CNTNAP2: variants seen among roughly 807,000 people sequenced by gnomAD.
CNTNAP2 encodes the protein contactin-associated protein-like 2.
Under a neutral mutation model 155.2 loss-of-function variants are expected in CNTNAP2, and 98 were observed. The ratio of observed to expected loss-of-function variants is 0.63; its 90% CI spans 0.54 to 0.75. The LOEUF is 0.75. CNTNAP2 is among the 30% of genes least tolerant of loss of function. The pLI is 0.00. For synonymous variants in CNTNAP2, 651 were observed against 631.2 expected, an observed-to-expected ratio of 1.03 and a Z score of -0.47; for missense variants, 1,727 against 1,688.1, an observed-to-expected ratio of 1.02 and a Z score of -0.40.
At chr7:148,402,047 G>A (rs1799595827) in intron 22 of CNTNAP2, among the ~76,000 whole-genome samples, 1 of 152,212 alleles carries the variant, frequency 6.6e-6, no homozygotes, top group African/African-American at 2.4e-5. Context: ...TGGAAAGAGG[G>A]AGTACAATGG....
chr7:146,665,800 A>AAAAAAAAAAAAAAAAC (rs1563179456), intron 1 of CNTNAP2, among the ~76,000 whole-genome samples: 6 of 144,796 alleles, frequency 4.1e-5, no homozygotes, highest in African/African-American at 1.6e-4. Flanking sequence ...AAAAAAAAAT[A>AAAAAAAAAAAAAAAAC]CATTTTGTAA....
intron 9 of CNTNAP2, among the ~76,000 whole-genome samples, chr7:147,368,827 A>G (rs1639872562): frequency 6.6e-6 from 1 of 152,256 alleles, no homozygotes; most frequent in South Asian, 2.1e-4. Flanking sequence ...CTCACAACTC[A>G]TTCAGTGTAA....
chr7:146,199,914 T>C (rs1003497989), intron 1 of CNTNAP2, among the ~76,000 whole-genome samples: 1 of 152,176 alleles, frequency 6.6e-6, no homozygotes, highest in African/African-American at 2.4e-5. Flanking sequence ...CCCTTGCCCC[T>C]ACCATAAGCA....
chr7:146,807,125 A>T (rs1371135085), intron 2 of CNTNAP2, among the ~76,000 whole-genome samples: 1 of 152,224 alleles, frequency 6.6e-6, no homozygotes, highest in East Asian at 1.9e-4. Flanking sequence ...AATGGTACAC[A>T]TTTATTATAA....
chr7:146,945,885 A>G (rs184024233), intron 3 of CNTNAP2, among the ~76,000 whole-genome samples: 20 of 152,232 alleles, frequency 1.3e-4, no homozygotes, highest in Non-Finnish European at 2.1e-4. Context: ...GTCTCTTTAT[A>G]TTTGAACAAT....
intron 14 of CNTNAP2, among the ~76,000 whole-genome samples, chr7:147,969,567 T>C (rs1801294255): frequency 1.3e-5 from 2 of 152,074 alleles, no homozygotes; most frequent in African/African-American, 4.8e-5. Flanking sequence ...ACTTAACTGG[T>C]TTGTTAAGTG....
At position 147,772,487 on chromosome 7, in the gene CNTNAP2, C is replaced by CAA. The variant is rs1176053630; in HGVS notation, c.2099-131077_2099-131076insAA. ...ATATATATATATATATATATATACACACACAAAAAAAAAACCACAAAAGAG... is the reference window on the plus strand; with the variant it reads ...ATATATATATATATATATATATACACAAACACAAAAAAAAAACCACAAAAGAG... On this transcript the variant is annotated intron_variant, in intron 13 of 23. Coordinates refer to ENST00000361727, the MANE Select transcript of CNTNAP2 (RefSeq NM_014141.6). Among the ~76,000 whole-genome samples the CAA allele has an allele frequency of 5.1e-3, 464 of 91,338 alleles. 28 individuals are homozygous for CAA. The highest frequency in any genetic ancestry group is 0.022 in the African/African-American group (436 of 20,174). The allele number at this position is 91,338 out of a possible 152,430, so 59.9% of individuals were successfully genotyped here.
chr7:146,351,489 G>A (rs1299264473), intron 1 of CNTNAP2, among the ~76,000 whole-genome samples: 7 of 152,218 alleles, frequency 4.6e-5, no homozygotes, highest in African/African-American at 1.7e-4. Flanking sequence ...AATTGACATT[G>A]ATTAAATGAT....
intron 10 of CNTNAP2, among the ~76,000 whole-genome samples, chr7:147,402,052 G>A (rs532963396): frequency 2.0e-5 from 3 of 152,224 alleles, no homozygotes; most frequent in South Asian, 2.1e-4. Flanking sequence ...GTCTTCATTC[G>A]CTAATTCCCT....
intron 13 of CNTNAP2, among the ~76,000 whole-genome samples, chr7:147,774,160 A>G (rs1797521262): frequency 6.6e-6 from 1 of 152,132 alleles, no homozygotes; most frequent in Admixed American, 6.5e-5. Flanking sequence ...ACTTAATGCT[A>G]TCTGGCAGGG....
intron 21 of CNTNAP2, among the ~76,000 whole-genome samples, chr7:148,329,369 A>C (rs1432330448): frequency 6.6e-6 from 1 of 152,222 alleles, no homozygotes; most frequent in Admixed American, 6.5e-5. Context: ...GCTCAGGCAC[A>C]TTCACTGTTT....
intron 1 of CNTNAP2, among the ~76,000 whole-genome samples, chr7:146,720,827 A>G (rs894989463): frequency 1.3e-5 from 2 of 149,046 alleles, no homozygotes; most frequent in Non-Finnish European, 3.0e-5. Flanking sequence ...ATCTTTTGAA[A>G]GCTATTATTT....
chr7:148,127,924 C>T (rs556615697), intron 16 of CNTNAP2, among the ~76,000 whole-genome samples: 4 of 152,284 alleles, frequency 2.6e-5, no homozygotes, highest in Admixed American at 1.3e-4. Flanking sequence ...GCCTGGAGTG[C>T]AGTGGTGCAA....
intron 3 of CNTNAP2, among the ~76,000 whole-genome samples, chr7:146,882,696 T>G (rs1355597712): frequency 2.0e-5 from 3 of 152,104 alleles, no homozygotes; most frequent in Non-Finnish European, 4.4e-5. Flanking sequence ...ACTAATATAC[T>G]CAGTAATGGG....
chr7:148,231,081 AAAT>A (rs1396029916), intron 20 of CNTNAP2, among the ~76,000 whole-genome samples: 2 of 152,226 alleles, frequency 1.3e-5, no homozygotes, highest in Non-Finnish European at 2.9e-5. Flanking sequence ...TACCATTGCG[AAAT>A]AATACTAAAA....
intron 1 of CNTNAP2, among the ~76,000 whole-genome samples, chr7:146,585,063 G>A (rs531672037): frequency 1.3e-5 from 2 of 152,150 alleles, no homozygotes; most frequent in South Asian, 2.1e-4. Context: ...CAATATGTTG[G>A]TGGTCCTAAA....
intron 13 of CNTNAP2, among the ~76,000 whole-genome samples, chr7:147,874,078 C>T (rs1799380701): frequency 6.6e-6 from 1 of 152,226 alleles, no homozygotes; most frequent in East Asian, 1.9e-4. Context: ...TATAGACCCC[C>T]ATCTCAGCTG....
In CNTNAP2 at chr7:147,437,098, T is replaced by C. The variant is rs569637932; in HGVS notation, c.1670+41318T>C. On this transcript the variant is annotated intron_variant, in intron 10 of 23. Transcript: ENST00000361727. ...CTTGGTCTCGGTGAACACTTGGTTT[T>C]CACATAGTTTTAATCACGGAACTAG... Among the ~76,000 whole-genome samples, 608 of 152,152 alleles carry C rather than the reference T, an allele frequency of 4.0e-3. 2 individuals are homozygous for C. The highest frequency in any genetic ancestry group is 7.1e-3 in the Non-Finnish European group (481 of 67,978).
chr7:148,356,450 G>A (rs567402679), intron 21 of CNTNAP2, among the ~76,000 whole-genome samples: 2 of 152,290 alleles, frequency 1.3e-5, no homozygotes, highest in African/African-American at 2.4e-5. Flanking sequence ...TCGTCAAAAC[G>A]AATAATAGAT....
Sources: gnomAD v4.1 joint callset for allele counts (sites outside exome capture counted in the v4.1 genomes callset) on GRCh38, gnomAD v4.1.1 for gene constraint, MANE v1.5 for transcripts, NCBI Gene and HGNC (gene_info 2026-07-23, HGNC 2026-07-21) for gene names.